NAV3: variants seen among roughly 807,000 people sequenced by gnomAD.
NAV3 encodes the protein neuron navigator 3, also known as pore membrane and/or filament interacting like protein 1.
Under a neutral mutation model 244.7 loss-of-function variants are expected in NAV3, and 87 were observed. The observed-to-expected ratio is 0.36, with a 90% CI of 0.30 to 0.42. NAV3 has a LOEUF of 0.42. Ranked by LOEUF, NAV3 falls within the 20% of genes least tolerant of loss-of-function variation. The probability of loss-of-function intolerance (pLI) is 1.00; values close to 1 mark genes in which losing one functional copy is unlikely to be tolerated. For missense variants in NAV3, 2,663 were observed against 2,893.3 expected (o/e 0.92, Z 1.83); for synonymous variants, 1,126 against 1,042.2 (o/e 1.08, Z -1.55).
At chr12:77,967,449 C>G (rs1030198160) in intron 4 of NAV3, among the ~76,000 whole-genome samples, 15 of 152,072 alleles carry the variant, frequency 9.9e-5, no homozygotes, top group African/African-American at 3.6e-4. Context: ...TAGAACAACT[C>G]AGAGGGTCAT....
At chr12:77,712,325 AT>A (rs1876159734) in intron 2 of NAV3, among the ~76,000 whole-genome samples, 1 of 152,060 alleles carries the variant, frequency 6.6e-6, no homozygotes, top group Non-Finnish European at 1.5e-5. Flanking sequence ...ATTGTATATT[AT>A]TTTTCCTTCA....
At chr12:77,723,914 A>C (rs2137307986) in intron 2 of NAV3, among the ~76,000 whole-genome samples, 1 of 151,896 alleles carries the variant, frequency 6.6e-6, no homozygotes, top group South Asian at 2.1e-4. Context: ...ATGAGATTTA[A>C]AGTGATGAAT....
upstream of NAV3, among the ~76,000 whole-genome samples, chr12:77,826,092 A>G (rs547773924): frequency 8.9e-4 from 135 of 152,282 alleles, no homozygotes; most frequent in Middle Eastern, 6.8e-3. Flanking sequence ...TCAGAATGGT[A>G]TGTTTTGGAA....
chr12:77,589,397 A>G (rs1869797137), intron 2 of NAV3, among the ~76,000 whole-genome samples: 1 of 152,072 alleles, frequency 6.6e-6, no homozygotes, highest in Admixed American at 6.6e-5. Flanking sequence ...TTACTGTATT[A>G]GCCGTCTGTT....
intron 4 of NAV3, among the ~76,000 whole-genome samples, chr12:77,966,687 A>C (rs1408874477): frequency 6.6e-6 from 1 of 152,116 alleles, no homozygotes; most frequent in Non-Finnish European, 1.5e-5. Context: ...TATTTTATCA[A>C]TAACATTTCT....
chr12:77,989,553 G>A (rs924929563), intron 5 of NAV3, among the ~76,000 whole-genome samples: 20 of 152,286 alleles, frequency 1.3e-4, no homozygotes, highest in African/African-American at 3.8e-4. Context: ...AGACACTTAT[G>A]TAGCAACAGG....
chr12:77,914,932 G>GT (rs1375340485), intron 1 of NAV3, among the ~76,000 whole-genome samples: 1 of 151,030 alleles, frequency 6.6e-6, no homozygotes, highest in African/African-American at 2.4e-5. Flanking sequence ...TATTTAAATG[G>GT]TTTTAAAAAA....
chr12:77,751,762 A>G (rs1308286030), intron 2 of NAV3, among the ~76,000 whole-genome samples: 1 of 152,248 alleles, frequency 6.6e-6, no homozygotes, highest in African/African-American at 2.4e-5. Flanking sequence ...CAATGTGAGC[A>G]TATACATTTT....
intron 2 of NAV3, among the ~76,000 whole-genome samples, chr12:77,622,150 T>G (rs1871398960): frequency 6.6e-6 from 1 of 151,822 alleles, no homozygotes; most frequent in African/African-American, 2.4e-5. Flanking sequence ...CCAAGCTGTC[T>G]GTTTTTCTGT....
At chr12:77,948,499 GA>G (rs1396411684) in intron 3 of NAV3, among the ~76,000 whole-genome samples, 3 of 151,690 alleles carry the variant, frequency 2.0e-5, no homozygotes, top group Non-Finnish European at 2.9e-5. Context: ...TTTTTATCCT[GA>G]TTTTTTTTGT....
chr12:78,034,951 G>T (rs1409026375), intron 9 of NAV3, among the ~76,000 whole-genome samples: 1 of 152,118 alleles, frequency 6.6e-6, no homozygotes, highest in Admixed American at 6.6e-5. Context: ...ATAGAATTGA[G>T]AATGAGTATC....
intron 9 of NAV3, among the ~76,000 whole-genome samples, chr12:78,023,065 C>T (rs780312636): frequency 2.0e-5 from 3 of 152,068 alleles, no homozygotes; most frequent in African/African-American, 4.8e-5. Context: ...TGCTATGTGT[C>T]TATTATGACC....
At chr12:77,642,450 C>A (rs945560883) in intron 2 of NAV3, among the ~76,000 whole-genome samples, 3 of 151,978 alleles carry the variant, frequency 2.0e-5, no homozygotes, top group Non-Finnish European at 4.4e-5. Flanking sequence ...AGGTAAATTA[C>A]GCAATTCTAA....
At chr12:78,055,679 G>A (rs1451708135) in intron 11 of NAV3, among the ~76,000 whole-genome samples, 1 of 152,190 alleles carries the variant, frequency 6.6e-6, no homozygotes, top group Non-Finnish European at 1.5e-5. Context: ...AATGGCAAAA[G>A]AGGGGAAGAC....
At position 77,994,383 on chromosome 12, in the gene NAV3, G is replaced by A. The variant is rs1871984760; in HGVS notation, c.672-420G>A. On this transcript the variant is annotated intron_variant, in intron 5 of 39. Coordinates refer to ENST00000397909, the MANE Select transcript of NAV3 (RefSeq NM_001024383.2). ...AGAAGAGTTTACTAAAGGAACTAAT[G>A]ACTGTCATCTCATACTCTTCTTTTA... 3.3e-5 allele frequency among the ~76,000 whole-genome samples: 5 copies of A among 152,220 alleles called. No homozygotes were observed. In the South Asian group the frequency reaches 1.0e-3, roughly 32 times the overall value.
intron 34 of NAV3, among the ~76,000 whole-genome samples, chr12:78,196,352 A>G (rs1959174207): frequency 6.6e-6 from 1 of 151,976 alleles, no homozygotes; most frequent in South Asian, 2.1e-4. Flanking sequence ...GGTGTTACAG[A>G]CAGAGAGAGG....
At chr12:78,173,012 G>A (rs1565758003) in intron 24 of NAV3, among the ~76,000 whole-genome samples, 2 of 151,550 alleles carry the variant, frequency 1.3e-5, no homozygotes. Flanking sequence ...TTGAACTGGG[G>A]CAGTGGTGAC....
chr12:77,921,575 TATGA>T (rs1565923137), intron 1 of NAV3, among the ~76,000 whole-genome samples: 1 of 152,076 alleles, frequency 6.6e-6, no homozygotes, highest in Non-Finnish European at 1.5e-5. Flanking sequence ...AAGATTGTCT[TATGA>T]TAAGTTTTCT....
At chr12:77,818,520 G>T (rs898934263) in intron 2 of NAV3, among the ~76,000 whole-genome samples, 9 of 152,084 alleles carry the variant, frequency 5.9e-5, no homozygotes, top group African/African-American at 2.2e-4. Flanking sequence ...GGTTTGGTTT[G>T]CCTGTTTTTG....
Sources: gnomAD v4.1 joint callset for allele counts (sites outside exome capture counted in the v4.1 genomes callset) on GRCh38, gnomAD v4.1.1 for gene constraint, MANE v1.5 for transcripts, NCBI Gene and HGNC (gene_info 2026-07-23, HGNC 2026-07-21) for gene names.